Variants in ADD1 observed in about 807,000 individuals in gnomAD.
ADD1 encodes the protein adducin 1.
ADD1 carries 24 observed loss-of-function variants against 80.5 expected under a neutral mutation model. The ratio of observed to expected loss-of-function variants is 0.30; its 90% CI spans 0.22 to 0.42. The LOEUF (loss-of-function observed/expected upper bound fraction) is 0.42, where lower values mean the gene tolerates loss of function less well. Among genes scored for constraint, ADD1 ranks in the 10% least tolerant of loss-of-function variants. ADD1 has a pLI of 1.00. For synonymous variants in ADD1, 373 were observed against 393.8 expected (o/e 0.95, Z 0.63); for missense variants, 948 against 1,019.0 (o/e 0.93, Z 0.95).
At chr4:2,906,681 T>G (rs1245088824) in intron 10 of ADD1, among the ~76,000 whole-genome samples, 1 of 152,250 alleles carries the variant, frequency 6.6e-6, no homozygotes, top group Non-Finnish European at 1.5e-5. Context: ...TTTTCAAATG[T>G]GTTCAAGTTT....
At chr4:2,865,058 G>GT (rs1729345420) in intron 1 of ADD1, among the ~76,000 whole-genome samples, 1 of 152,098 alleles carries the variant, frequency 6.6e-6, no homozygotes, top group Non-Finnish European at 1.5e-5. Context: ...AATCACCATT[G>GT]TAAGTTGTAT....
chr4:2,912,026 C>T (rs1450682676), intron 13 of ADD1, among the ~76,000 whole-genome samples: 3 of 152,226 alleles, frequency 2.0e-5, no homozygotes, highest in Admixed American at 6.5e-5. Flanking sequence ...GAATGCCAGT[C>T]CAGATCCAAG....
At chr4:2,908,767 C>T (rs1737491650) in intron 12 of ADD1, 163 bp downstream of exon 12, 13 of 653,108 alleles carry the variant, frequency 2.0e-5, no homozygotes, top group South Asian at 1.9e-4. Flanking sequence ...AGGCACTTTT[C>T]GTTGAGTTCT....
chr4:2,852,890 G>A (rs1727531927), intron 1 of ADD1, among the ~76,000 whole-genome samples: 1 of 150,316 alleles, frequency 6.7e-6, no homozygotes, highest in Admixed American at 6.6e-5. Context: ...TTTTTTAGTA[G>A]AGCCAAGGCC....
In ADD1 at chr4:2,928,600, C is replaced by T. The variant is rs1189586544; in HGVS notation, c.*77C>T. On this transcript the variant is annotated 3_prime_UTR_variant, in exon 16 of 16. Transcript: ENST00000683351. ...TCCCCGGCCACGTCTGTGCTCTGTCCTTGTGTAATGGAATGCAAAAAAGCC... is the reference window on the plus strand; with the variant it reads ...TCCCCGGCCACGTCTGTGCTCTGTCTTTGTGTAATGGAATGCAAAAAAGCC... The T allele has an allele frequency of 6.7e-7, 1 of 1,486,576 alleles. No individual in the cohort carries two copies. Among genetic ancestry groups the T allele is most frequent in the Non-Finnish European group, 9.2e-7 (1 of 1,088,734 alleles). The allele number at this position is 1,486,576 out of a possible 1,614,324, so 92.1% of individuals were successfully genotyped here.
intron 4 of ADD1, among the ~76,000 whole-genome samples, chr4:2,890,026 C>T (rs1472093587): frequency 2.0e-5 from 3 of 151,102 alleles, no homozygotes; most frequent in South Asian, 2.1e-4. Flanking sequence ...TGTGAAACTC[C>T]GTCTCTGCTA....
chr4:2,868,474 G>T (rs1729898150), intron 1 of ADD1, among the ~76,000 whole-genome samples: 1 of 152,132 alleles, frequency 6.6e-6, no homozygotes, highest in African/African-American at 2.4e-5. Flanking sequence ...ACTCTTTCCA[G>T]CGAACTCTCC....
rs1394443759 is a variant in ADD1, at chr4:2,928,695, C to G, written c.*172C>G. 1.6e-6 allele frequency: 1 copy of G among 637,308 alleles called. No homozygotes were observed. The highest frequency in any genetic ancestry group is 3.4e-5 in the Admixed American group (1 of 28,994). 39.5% of individuals were successfully genotyped at this position (637,308 alleles called of 1,614,324 possible). ...GCCCCGGGCTGACCCAGTGTGTGCTCAGCAGCCCCACCCCACCCTGCCCCT... is the reference window on the plus strand; with the variant it reads ...GCCCCGGGCTGACCCAGTGTGTGCTGAGCAGCCCCACCCCACCCTGCCCCT... On this transcript the variant is annotated 3_prime_UTR_variant, in exon 16 of 16. Transcript: ENST00000683351.
chr4:2,914,851 C>T (rs751968249), intron 13 of ADD1, 33 bp from the exon 14 acceptor site: 1 of 1,571,158 alleles, frequency 6.4e-7, no homozygotes, highest in Admixed American at 1.8e-5. Context: ...TCGGGCCGGG[C>T]TCCTGCAGAC....
At chr4:2,890,799 C>T (rs1734186067) in intron 4 of ADD1, among the ~76,000 whole-genome samples, 2 of 151,718 alleles carry the variant, frequency 1.3e-5, no homozygotes, top group Admixed American at 1.3e-4. Flanking sequence ...TTGTAAATAC[C>T]CTTGTATGTG....
intron 1 of ADD1, among the ~76,000 whole-genome samples, chr4:2,858,939 G>A (rs1728458665): frequency 6.6e-6 from 1 of 152,116 alleles, no homozygotes; most frequent in Non-Finnish European, 1.5e-5. Context: ...ACATATCACC[G>A]AGTGTATTTT....
At chr4:2,919,880 G>A (rs1005506496) in intron 14 of ADD1, among the ~76,000 whole-genome samples, 9 of 151,830 alleles carry the variant, frequency 5.9e-5, no homozygotes, top group Non-Finnish European at 7.4e-5. Context: ...TCTTCTGCTA[G>A]CTTTTGAATT....
intron 1 of ADD1, among the ~76,000 whole-genome samples, chr4:2,855,591 A>G (rs551438185): frequency 2.7e-5 from 4 of 150,368 alleles, no homozygotes; most frequent in African/African-American, 7.3e-5. Flanking sequence ...CAATTATTCA[A>G]CTCTCAAGTT....
At chr4:2,860,046 A>G (rs1187072852) in intron 1 of ADD1, among the ~76,000 whole-genome samples, 1 of 151,264 alleles carries the variant, frequency 6.6e-6, no homozygotes, top group African/African-American at 2.4e-5. Context: ...AGAGTTTTCT[A>G]TACTGATGTG....
chr4:2,856,606 T>C (rs79604388), intron 1 of ADD1, among the ~76,000 whole-genome samples: 2 of 139,954 alleles, frequency 1.4e-5, no homozygotes, highest in East Asian at 2.0e-4. Context: ...TTTTTTTTTT[T>C]CCTGAGACGG....
At chr4:2,906,431 T>C (rs1202914870) in intron 10 of ADD1, among the ~76,000 whole-genome samples, 2 of 151,724 alleles carry the variant, frequency 1.3e-5, no homozygotes, top group African/African-American at 2.4e-5. Flanking sequence ...CTGCGGCTGA[T>C]GTGAAGCACA....
intron 1 of ADD1, among the ~76,000 whole-genome samples, chr4:2,849,725 T>G (rs1726778408): frequency 6.6e-6 from 1 of 152,236 alleles, no homozygotes; most frequent in Non-Finnish European, 1.5e-5. Flanking sequence ...AAAAAATGTT[T>G]TCCCTCATCT....
chr4:2,882,118 A>G, intron 3 of ADD1, 58 bp downstream of exon 3: 2 of 1,477,088 alleles, frequency 1.4e-6, no homozygotes, highest in East Asian at 2.4e-5. Flanking sequence ...AATTTCCTGA[A>G]GATTGCTCAT....
chr4:2,909,501 C>T, intron 13 of ADD1, 70 bp downstream of exon 13: 8 of 1,082,392 alleles, frequency 7.4e-6, no homozygotes, highest in Non-Finnish European at 1.1e-5. Context: ...TCCCCGTCTC[C>T]TCTCTTCAGG....
Sources: allele counts gnomAD v4.1 joint callset (sites outside exome capture counted in the v4.1 genomes callset), GRCh38; gene constraint gnomAD v4.1.1; transcripts MANE v1.5; gene names NCBI Gene and HGNC (gene_info 2026-07-23, HGNC 2026-07-21).